TULP4: variants seen among roughly 807,000 people sequenced by gnomAD.
TULP4 encodes the protein tubby-related protein 4.
TULP4 carries 16 observed loss-of-function variants against 129.0 expected under a neutral mutation model. That is an observed-to-expected ratio of 0.12 (90% CI 0.08 to 0.19). The LOEUF (loss-of-function observed/expected upper bound fraction) is 0.19, where lower values mean the gene tolerates loss of function less well. Ranked by LOEUF, TULP4 falls within the 10% of genes least tolerant of loss-of-function variation. The pLI is 1.00. For synonymous variants in TULP4, 998 were observed against 854.0 expected, an observed-to-expected ratio of 1.17 and a Z score of -2.94; for missense variants, 1,842 against 2,059.1, an observed-to-expected ratio of 0.89 and a Z score of 2.04.
chr6:158,254,289 T>C (rs929282657), intron 1 of TULP4, among the ~76,000 whole-genome samples: 1 of 151,450 alleles, frequency 6.6e-6, no homozygotes, highest in Admixed American at 6.6e-5. Flanking sequence ...ATTACAGGAA[T>C]GCGCCACCAT....
At chr6:158,437,306 A>G (rs527618813) in intron 3 of TULP4, among the ~76,000 whole-genome samples, 8 of 152,246 alleles carry the variant, frequency 5.3e-5, no homozygotes, top group South Asian at 2.1e-4. Flanking sequence ...TCATGCCTGT[A>G]ATCTTAGCAC....
Position 158,411,321 on chromosome 6 carries a change from G to C in TULP4, c.253-1744G>C, listed in dbSNP as rs184945977. 3.0e-3 allele frequency among the ~76,000 whole-genome samples: 463 copies of C among 152,214 alleles called. 2 individuals carry two copies. Among genetic ancestry groups the C allele is most frequent in the Admixed American group, 0.014 (208 of 15,294 alleles). ...TTTTCCTCAAGCAGCACAGACCTGTGGGGGGTGGGTGGTGTTCACAAGCTG... is the reference window on the plus strand; with the variant it reads ...TTTTCCTCAAGCAGCACAGACCTGTCGGGGGTGGGTGGTGTTCACAAGCTG... On this transcript the variant is annotated intron_variant, in intron 1 of 13. Transcript: ENST00000367097.
chr6:158,285,842 G>A (rs989588221), intron 1 of TULP4, among the ~76,000 whole-genome samples: 24 of 152,286 alleles, frequency 1.6e-4, no homozygotes, highest in Middle Eastern at 3.4e-3. Context: ...AACCAAGAAG[G>A]AATCACTTGG....
intron 1 of TULP4, among the ~76,000 whole-genome samples, chr6:158,410,884 C>T (rs533739566): frequency 6.6e-6 from 1 of 152,192 alleles, no homozygotes; most frequent in South Asian, 2.1e-4. Flanking sequence ...TGTCTGTGTA[C>T]AAAGGACTGT....
At chr6:158,246,023 G>GGGGGGTGTGTGTGTGT (rs113914160) in intron 1 of TULP4, among the ~76,000 whole-genome samples, 2 of 145,920 alleles carry the variant, frequency 1.4e-5, no homozygotes, top group South Asian at 2.2e-4. Context: ...ACCCCTTAGG[G>GGGGGGTGTGTGTGTGT]GTGTGTGTGT....
At chr6:158,304,576 G>A (rs1160111203) in intron 1 of TULP4, among the ~76,000 whole-genome samples, 1 of 152,074 alleles carries the variant, frequency 6.6e-6, no homozygotes, top group Non-Finnish European at 1.5e-5. Context: ...ATCTGTTATT[G>A]AAAGACTTTA....
At chr6:158,495,262 A>G (rs1301916841) in intron 11 of TULP4, among the ~76,000 whole-genome samples, 1 of 152,096 alleles carries the variant, frequency 6.6e-6, no homozygotes, top group Non-Finnish European at 1.5e-5. Flanking sequence ...CACATTGTCC[A>G]TGCTGGTCTC....
intron 1 of TULP4, among the ~76,000 whole-genome samples, chr6:158,264,801 A>G (rs944349018): frequency 2.0e-5 from 3 of 152,274 alleles, no homozygotes; most frequent in South Asian, 2.1e-4. Flanking sequence ...TCTAAGTTCT[A>G]CAGACCATCA....
At chr6:158,476,556 A>G (rs981114837) in intron 6 of TULP4, among the ~76,000 whole-genome samples, 10 of 152,080 alleles carry the variant, frequency 6.6e-5, no homozygotes, top group African/African-American at 2.4e-4. Context: ...CGCCTTCGAG[A>G]TGTGCCAGCG....
intron 1 of TULP4, among the ~76,000 whole-genome samples, chr6:158,402,969 GT>G (rs1337591234): frequency 7.1e-6 from 1 of 141,784 alleles, no homozygotes; most frequent in Non-Finnish European, 1.5e-5. Context: ...TCAATGATTT[GT>G]TTTGTGTTTA....
chr6:158,320,519 C>A (rs1245877638), intron 1 of TULP4, among the ~76,000 whole-genome samples: 3 of 151,724 alleles, frequency 2.0e-5, no homozygotes, highest in African/African-American at 7.3e-5. Context: ...GCAACCTCCG[C>A]CCCCCAGGTT....
intron 3 of TULP4, among the ~76,000 whole-genome samples, chr6:158,444,028 G>T (rs535678435): frequency 2.6e-5 from 4 of 151,652 alleles, no homozygotes; most frequent in Admixed American, 2.6e-4. Context: ...GACCATCCTG[G>T]CTAACACGGT....
chr6:158,385,678 A>C (rs927959851), intron 1 of TULP4, among the ~76,000 whole-genome samples: 1 of 148,684 alleles, frequency 6.7e-6, no homozygotes, highest in Admixed American at 6.7e-5. Context: ...TACATGTTTT[A>C]TATACATATA....
chr6:158,367,308 G>A (rs1776940861), intron 1 of TULP4, among the ~76,000 whole-genome samples: 1 of 152,212 alleles, frequency 6.6e-6, no homozygotes, highest in African/African-American at 2.4e-5. Context: ...ACTCAAGAGG[G>A]TAGGAGGAGG....
chr6:158,327,603 T>C (rs1779770989), intron 1 of TULP4, among the ~76,000 whole-genome samples: 1 of 152,240 alleles, frequency 6.6e-6, no homozygotes, highest in Non-Finnish European at 1.5e-5. Flanking sequence ...TACTGGCTGC[T>C]CCAGTTCTTA....
chr6:158,401,457 T>C (rs184562700), intron 1 of TULP4, among the ~76,000 whole-genome samples: 3 of 152,334 alleles, frequency 2.0e-5, no homozygotes, highest in Admixed American at 2.0e-4. Flanking sequence ...CGCAGTTTGC[T>C]TTTATCTGTG....
chr6:158,430,172 C>T (rs1401298430), intron 3 of TULP4, among the ~76,000 whole-genome samples: 1 of 151,690 alleles, frequency 6.6e-6, no homozygotes, highest in Non-Finnish European at 1.5e-5. Context: ...CATAAATATG[C>T]AGTTGATATT....
chr6:158,490,588 T>G (rs1022896058), intron 9 of TULP4, among the ~76,000 whole-genome samples: 2 of 152,200 alleles, frequency 1.3e-5, no homozygotes, highest in African/African-American at 4.8e-5. Flanking sequence ...AACACCTAGC[T>G]CATTGTACAA....
chr6:158,233,671 C>T (rs1369184309), intron 1 of TULP4, among the ~76,000 whole-genome samples: 1 of 152,214 alleles, frequency 6.6e-6, no homozygotes, highest in Non-Finnish European at 1.5e-5. Context: ...TCGCGTTGTG[C>T]AGTGATAGCC....
Sources: gnomAD v4.1 joint callset for allele counts (sites outside exome capture counted in the v4.1 genomes callset) on GRCh38, gnomAD v4.1.1 for gene constraint, MANE v1.5 for transcripts, NCBI Gene and HGNC (gene_info 2026-07-23, HGNC 2026-07-21) for gene names.